DLC1: variants seen among roughly 807,000 people sequenced by gnomAD.
DLC1 encodes the protein DLC1 Rho GTPase activating protein.
DLC1 carries 54 observed loss-of-function variants against 140.3 expected under a neutral mutation model. That is an observed-to-expected ratio of 0.38 (90% confidence interval 0.31 to 0.48). DLC1 has a LOEUF of 0.48. Among genes scored for constraint, DLC1 ranks in the 20% least tolerant of loss-of-function variants. DLC1 has a pLI of 0.96. For missense variants in DLC1, 2,536 were observed against 1,907.0 expected (o/e 1.33, Z -6.14); for synonymous variants, 986 against 728.1 (o/e 1.35, Z -5.70).
At chr8:13,220,493 A>G (rs1008652582) in intron 5 of DLC1, among the ~76,000 whole-genome samples, 3 of 152,148 alleles carry the variant, frequency 2.0e-5, no homozygotes, top group African/African-American at 4.8e-5. Context: ...GCAGAGACCA[A>G]ATGTTCCCCA....
chr8:13,089,239 G>A (rs1342879572), intron 15 of DLC1, among the ~76,000 whole-genome samples: 2 of 147,130 alleles, frequency 1.4e-5, no homozygotes, highest in South Asian at 2.2e-4. Context: ...CCTGGGTGAT[G>A]AGAATGAAAC....
At chr8:13,538,385 A>T (rs1318345006) in intron 1 of DLC1, among the ~76,000 whole-genome samples, 2 of 151,990 alleles carry the variant, frequency 1.3e-5, no homozygotes, top group South Asian at 2.1e-4. Flanking sequence ...AAAAAACAGC[A>T]TCTCGAATAT....
chr8:13,282,774 C>T (rs1407525663), intron 5 of DLC1, among the ~76,000 whole-genome samples: 1 of 152,140 alleles, frequency 6.6e-6, no homozygotes, highest in Non-Finnish European at 1.5e-5. Context: ...ATTACTTGAA[C>T]TGCTTTAAAA....
chr8:13,467,407 C>T (rs1353684196), intron 2 of DLC1, among the ~76,000 whole-genome samples: 1 of 151,476 alleles, frequency 6.6e-6, no homozygotes, highest in African/African-American at 2.4e-5. Flanking sequence ...TTTTCTGTAG[C>T]TATCAATTTG....
chr8:13,490,215 AC>A (rs1280079027), intron 2 of DLC1, among the ~76,000 whole-genome samples: 4 of 152,222 alleles, frequency 2.6e-5, no homozygotes, highest in African/African-American at 9.6e-5. Flanking sequence ...AAAGCTGCAA[AC>A]CCTTTTGAAG....
intron 2 of DLC1, among the ~76,000 whole-genome samples, chr8:13,479,838 GAAGAAGAAGAAGAAGAAGAAGAGAA>G (rs1585178696): frequency 6.4e-4 from 14 of 21,762 alleles, no homozygotes; most frequent in East Asian, 3.0e-3. Flanking sequence ...AGAAGAAGAA[GAAGAAGAAGAAGAAGAAGAAGAGAA>G]AAAGAAAGAA....
At chr8:13,333,591 A>C (rs1400396841) in intron 4 of DLC1, among the ~76,000 whole-genome samples, 1 of 152,196 alleles carries the variant, frequency 6.6e-6, no homozygotes, top group Non-Finnish European at 1.5e-5. Context: ...TAACGAGGGC[A>C]TTTCAAGATG....
chr8:13,488,867 C>A (rs1801099279), intron 2 of DLC1, among the ~76,000 whole-genome samples: 1 of 152,222 alleles, frequency 6.6e-6, no homozygotes. Flanking sequence ...TTCTACACCA[C>A]ACATAGCAAA....
chr8:13,441,303 C>A (rs923456800), intron 2 of DLC1, among the ~76,000 whole-genome samples: 3 of 152,152 alleles, frequency 2.0e-5, no homozygotes, highest in African/African-American at 7.2e-5. Context: ...TGGCACAAGA[C>A]AGGGATGCCC....
chr8:13,314,212 A>G (rs1169387656), intron 4 of DLC1, among the ~76,000 whole-genome samples: 3 of 138,900 alleles, frequency 2.2e-5, no homozygotes, highest in African/African-American at 8.0e-5. Flanking sequence ...TATAATATAT[A>G]GACATACATA....
intron 5 of DLC1, among the ~76,000 whole-genome samples, chr8:13,151,863 G>GT (rs1823842000): frequency 6.6e-6 from 1 of 152,046 alleles, no homozygotes; most frequent in South Asian, 2.1e-4. Flanking sequence ...GTCGGTAAAA[G>GT]TTATTTTTTT....
At chr8:13,563,943 C>G (rs1804334937) in intron 1 of DLC1, among the ~76,000 whole-genome samples, 1 of 151,972 alleles carries the variant, frequency 6.6e-6, no homozygotes, top group Admixed American at 6.6e-5. Flanking sequence ...TCAGTATAAT[C>G]TAGATTTTAA....
chr8:13,569,702 G>A (rs762739465), intron 1 of DLC1, among the ~76,000 whole-genome samples: 1 of 152,072 alleles, frequency 6.6e-6, no homozygotes, highest in Admixed American at 6.6e-5. Context: ...ACAGTTCTCA[G>A]AATTACTATT....
chr8:13,485,387 T>A (rs1175661510), intron 2 of DLC1, among the ~76,000 whole-genome samples: 1 of 152,172 alleles, frequency 6.6e-6, no homozygotes, highest in East Asian at 1.9e-4. Flanking sequence ...AACATGCACT[T>A]CTTGTTGCTA....
chr8:13,244,283 A>G (rs1829663985), intron 5 of DLC1, among the ~76,000 whole-genome samples: 1 of 149,256 alleles, frequency 6.7e-6, no homozygotes, highest in Admixed American at 6.7e-5. Context: ...ATTTTTCATG[A>G]TCTTCCCTTT....
At chr8:13,370,924 A>G (rs1210096251) in intron 4 of DLC1, among the ~76,000 whole-genome samples, 2 of 152,206 alleles carry the variant, frequency 1.3e-5, no homozygotes, top group East Asian at 1.9e-4. Flanking sequence ...ACACTTACAC[A>G]TGATCCTGGC....
At chr8:13,413,631 C>T (rs559017248) in intron 2 of DLC1, among the ~76,000 whole-genome samples, 3 of 151,978 alleles carry the variant, frequency 2.0e-5, no homozygotes, top group African/African-American at 7.3e-5. Context: ...GTAATTGGAT[C>T]ATGGAGGAGG....
chr8:13,460,090 G>C (rs554117747), intron 2 of DLC1, among the ~76,000 whole-genome samples: 1 of 152,304 alleles, frequency 6.6e-6, no homozygotes, highest in African/African-American at 2.4e-5. Flanking sequence ...GGCAGTGTTA[G>C]GAACTCAATA....
chr8:13,188,419 C>CAAAA (rs1178090798), intron 5 of DLC1, among the ~76,000 whole-genome samples: 100 of 58,934 alleles, frequency 1.7e-3, no homozygotes, highest in African/African-American at 4.4e-3. Flanking sequence ...GACTCCGTCT[C>CAAAA]AAAAAAAAAA....
Sources: gnomAD v4.1 joint callset for allele counts (sites outside exome capture counted in the v4.1 genomes callset) on GRCh38, gnomAD v4.1.1 for gene constraint, MANE v1.5 for transcripts, NCBI Gene and HGNC (gene_info 2026-07-23, HGNC 2026-07-21) for gene names.